RTN4: variants seen among roughly 807,000 people sequenced by gnomAD.
The protein encoded by RTN4 is reticulon 4.
In RTN4, 32 loss-of-function variants were observed where a neutral mutation model predicts 90.4. The ratio of observed to expected loss-of-function variants is 0.35; its 90% CI spans 0.27 to 0.48. RTN4 has a LOEUF of 0.48. RTN4 is among the 20% of genes least tolerant of loss of function. The pLI, the probability that RTN4 is intolerant of heterozygous loss-of-function variation, is 0.99. For missense variants in RTN4, 1,706 were observed against 1,430.2 expected (o/e 1.19, Z -3.11); for synonymous variants, 629 against 552.5 (o/e 1.14, Z -1.94).
chr2:55,109,140 C>T (rs1667992840), intron 1 of RTN4, among the ~76,000 whole-genome samples: 1 of 151,944 alleles, frequency 6.6e-6, no homozygotes, highest in African/African-American at 2.4e-5. Flanking sequence ...TTTTAAGTTC[C>T]TGAAATACTG....
chr2:55,009,548 T>C (rs1461476222), intron 3 of RTN4, among the ~76,000 whole-genome samples: 3 of 152,166 alleles, frequency 2.0e-5, no homozygotes, highest in African/African-American at 7.2e-5. Context: ...ACTGCGTAAT[T>C]ATACTGTGTA....
intron 2 of RTN4, among the ~76,000 whole-genome samples, chr2:55,060,124 A>T (rs1169377712): frequency 6.6e-6 from 1 of 152,170 alleles, no homozygotes; most frequent in Non-Finnish European, 1.5e-5. Context: ...GTGGAGAGTA[A>T]GGGGAGAAAA....
intron 1 of RTN4, among the ~76,000 whole-genome samples, chr2:55,081,459 A>G (rs1668716131): frequency 6.6e-6 from 1 of 152,220 alleles, no homozygotes; most frequent in African/African-American, 2.4e-5. Flanking sequence ...TATGCAGAAC[A>G]GCATTATTCA....
rs1203892811 is a variant in RTN4, at chr2:55,089,544, GA to G, written c.-213-8906del. Reference sequence around the variant, plus strand: ...GTAATTAACGGATTTATCAATTACGGAAAAATCTGTCTCCTTGTCTGGATGT... The same window carrying G: ...GTAATTAACGGATTTATCAATTACGGAAAATCTGTCTCCTTGTCTGGATGT... On this transcript the variant is annotated intron_variant, in intron 1 of 3. Coordinates refer to the RTN4 transcript ENST00000427710. Among the ~76,000 whole-genome samples the G allele has an allele frequency of 1.8e-4, 28 of 152,230 alleles. 1 individual carries two copies. The highest frequency in any genetic ancestry group is 1.8e-3 in the Admixed American group (28 of 15,294).
At chr2:55,129,436 T>C in the RTN4 span, among the ~76,000 whole-genome samples, 3 of 152,056 alleles carry the variant, frequency 2.0e-5, no homozygotes, top group East Asian at 5.8e-4. Context: ...AAAAATTAGC[T>C]GGTAGTAATA....
chr2:55,032,523 T>C (rs912641827), intron 1 of RTN4, among the ~76,000 whole-genome samples: 1 of 152,144 alleles, frequency 6.6e-6, no homozygotes, highest in African/African-American at 2.4e-5. Context: ...TTGTAAATTA[T>C]ATTAACTGAA....
intron 1 of RTN4, among the ~76,000 whole-genome samples, chr2:55,083,415 G>A (rs547883564): frequency 6.6e-6 from 1 of 152,074 alleles, no homozygotes; most frequent in Non-Finnish European, 1.5e-5. Flanking sequence ...AGGATTGCTT[G>A]AGCCTGGGAG....
At chr2:55,012,345 T>C (rs1680705863) in intron 3 of RTN4, among the ~76,000 whole-genome samples, 1 of 152,218 alleles carries the variant, frequency 6.6e-6, no homozygotes, top group South Asian at 2.1e-4. Context: ...TGAAGTTTAG[T>C]AAACATTTCA....
chr2:55,017,330 T>G (rs1029299282), intron 3 of RTN4, among the ~76,000 whole-genome samples: 2 of 152,204 alleles, frequency 1.3e-5, no homozygotes, highest in African/African-American at 2.4e-5. Context: ...TTCTTATTCA[T>G]GAACATATGT....
At chr2:55,020,338 G>C (rs1472640801) in intron 3 of RTN4, among the ~76,000 whole-genome samples, 1 of 151,910 alleles carries the variant, frequency 6.6e-6, no homozygotes, top group Non-Finnish European at 1.5e-5. Flanking sequence ...CATGGTACTG[G>C]CATAAAAACA....
chr2:55,082,980 T>A (rs1463697291), intron 1 of RTN4, among the ~76,000 whole-genome samples: 1 of 152,084 alleles, frequency 6.6e-6, no homozygotes, highest in Non-Finnish European at 1.5e-5. Context: ...TTTCTGAGAT[T>A]CAAACTCAGG....
At chr2:55,088,646 G>A (rs1453708235) in intron 1 of RTN4, among the ~76,000 whole-genome samples, 1 of 152,176 alleles carries the variant, frequency 6.6e-6, no homozygotes, top group African/African-American at 2.4e-5. Flanking sequence ...CACATACATT[G>A]GAGCTTTCCT....
chr2:55,066,990 G>A (rs1446221408), intron 2 of RTN4, among the ~76,000 whole-genome samples: 1 of 152,108 alleles, frequency 6.6e-6, no homozygotes, highest in Non-Finnish European at 1.5e-5. Context: ...GTATATTTGA[G>A]TTTAATGTTT....
At chr2:55,094,097 C>T (rs149772614) in intron 1 of RTN4, among the ~76,000 whole-genome samples, 108 of 152,148 alleles carry the variant, frequency 7.1e-4, no homozygotes, top group Non-Finnish European at 1.4e-3. Context: ...AAAGCTGCAC[C>T]CTCAGTGTGA....
At chr2:54,983,910 A>T (rs1463549881) in intron 4 of RTN4, among the ~76,000 whole-genome samples, 1 of 152,224 alleles carries the variant, frequency 6.6e-6, no homozygotes, top group African/African-American at 2.4e-5. Flanking sequence ...CTTCAGGCTC[A>T]AACATTCTGT....
chr2:55,015,680 TA>T (rs1680979041), intron 3 of RTN4, among the ~76,000 whole-genome samples: 1 of 152,164 alleles, frequency 6.6e-6, no homozygotes, highest in Admixed American at 6.5e-5. Context: ...AAAGGGCTTT[TA>T]AAAAATACCT....
the RTN4 span, among the ~76,000 whole-genome samples, chr2:55,120,047 G>C: frequency 2.0e-5 from 3 of 152,206 alleles, no homozygotes; most frequent in African/African-American, 7.2e-5. Flanking sequence ...CTCGCTGTGG[G>C]CTGCGTGAGG....
At position 55,027,080 on chromosome 2, in the gene RTN4, A is replaced by C. The variant is rs779603958; in HGVS notation, c.1019T>G (p.Leu340Arg). Residue 340 changes from leucine (L) to arginine (R), a missense_variant, in exon 3 of 9, where the codon CTT (leucine) becomes CGT (arginine). Coordinates refer to ENST00000337526, the MANE Select transcript of RTN4 (RefSeq NM_020532.5). ...TGTAGGTAACTCTTGTTGATTATGA[A>C]GGATGTTATTACTAACTAACTTCTC... ...EEEKLVSNNI[L>R]HNQQELPTAL... is the part of the protein sequence containing the mutation. 2 of 1,613,326 alleles carry C rather than the reference A, an allele frequency of 1.2e-6. No homozygotes were observed. The highest frequency in any genetic ancestry group is 1.7e-6 in the Non-Finnish European group (2 of 1,179,672).
At chr2:55,021,236 T>C (rs1254246934) in intron 3 of RTN4, among the ~76,000 whole-genome samples, 7 of 152,138 alleles carry the variant, frequency 4.6e-5, no homozygotes, top group African/African-American at 1.7e-4. Flanking sequence ...TTCAGTACAC[T>C]TGAACCTCCC....
Sources: gnomAD v4.1 joint callset for allele counts (sites outside exome capture counted in the v4.1 genomes callset) on GRCh38, gnomAD v4.1.1 for gene constraint, MANE v1.5 for transcripts, NCBI Gene and HGNC (gene_info 2026-07-23, HGNC 2026-07-21) for gene names.